Variants in EPHA5 observed in about 807,000 individuals in gnomAD.
The protein encoded by EPHA5 is EPH receptor A5.
EPHA5 carries 60 observed loss-of-function variants against 105.0 expected under a neutral mutation model. That is an observed-to-expected ratio of 0.57 (90% CI 0.46 to 0.71). The LOEUF (loss-of-function observed/expected upper bound fraction) is 0.71, where lower values mean the gene tolerates loss of function less well. Ranked by LOEUF, EPHA5 falls within the 30% of genes least tolerant of loss-of-function variation. The probability of loss-of-function intolerance (pLI) is 0.00; values close to 1 mark genes in which losing one functional copy is unlikely to be tolerated. For missense variants in EPHA5, 1,218 were observed against 1,274.7 expected (o/e 0.96, Z 0.68); for synonymous variants, 513 against 449.1 (o/e 1.14, Z -1.80).
chr4:65,629,506 T>C (rs562899022), intron 2 of EPHA5, among the ~76,000 whole-genome samples: 1 of 152,212 alleles, frequency 6.6e-6, no homozygotes. Flanking sequence ...TTCATATGTA[T>C]TGTATGATCA....
At chr4:65,400,716 G>T (rs1185284938) in intron 8 of EPHA5, among the ~76,000 whole-genome samples, 1 of 151,928 alleles carries the variant, frequency 6.6e-6, no homozygotes, top group Non-Finnish European at 1.5e-5. Flanking sequence ...AAATAGATCA[G>T]TTTCACAATA....
intron 5 of EPHA5, among the ~76,000 whole-genome samples, chr4:65,462,206 C>G (rs1047427100): frequency 3.3e-5 from 5 of 152,084 alleles, no homozygotes; most frequent in African/African-American, 4.8e-5. Context: ...GGTTCAAATT[C>G]TGAATTCTTT....
intron 3 of EPHA5, among the ~76,000 whole-genome samples, chr4:65,533,905 C>A (rs1736054389): frequency 6.6e-6 from 1 of 151,302 alleles, no homozygotes; most frequent in Non-Finnish European, 1.5e-5. Flanking sequence ...TGCACTCCAG[C>A]CTGGGTGACA....
chr4:65,615,374 T>C (rs1247919459), intron 2 of EPHA5, among the ~76,000 whole-genome samples: 1 of 151,726 alleles, frequency 6.6e-6, no homozygotes, highest in Non-Finnish European at 1.5e-5. Flanking sequence ...AGCTAAAACA[T>C]TTTTGAAAAT....
chr4:65,444,096 A>C (rs1726284183), intron 5 of EPHA5, among the ~76,000 whole-genome samples: 1 of 152,190 alleles, frequency 6.6e-6, no homozygotes, highest in African/African-American at 2.4e-5. Context: ...TAATTTTACT[A>C]ATGTTGCTAC....
chr4:65,419,131 G>A (rs182062160), intron 6 of EPHA5, among the ~76,000 whole-genome samples: 1 of 151,576 alleles, frequency 6.6e-6, no homozygotes, highest in African/African-American at 2.4e-5. Context: ...GCGACCACCC[G>A]CCTCAGCCTT....
At chr4:65,590,480 C>A (rs930958207) in intron 3 of EPHA5, among the ~76,000 whole-genome samples, 1 of 152,040 alleles carries the variant, frequency 6.6e-6, no homozygotes, top group Non-Finnish European at 1.5e-5. Flanking sequence ...ATTGTTATTG[C>A]GAATTATACA....
chr4:65,533,365 G>A (rs1013392990), intron 3 of EPHA5, among the ~76,000 whole-genome samples: 1 of 151,980 alleles, frequency 6.6e-6, no homozygotes, highest in Non-Finnish European at 1.5e-5. Flanking sequence ...AAGCTAGGCA[G>A]GATAAATATT....
intron 3 of EPHA5, among the ~76,000 whole-genome samples, chr4:65,530,363 T>C (rs1167216438): frequency 6.6e-6 from 1 of 152,006 alleles, no homozygotes; most frequent in Admixed American, 6.6e-5. Flanking sequence ...TAAAATCCAA[T>C]TGGCAGAAAA....
chr4:65,388,447 G>T (rs948664406), intron 8 of EPHA5, among the ~76,000 whole-genome samples: 10 of 150,078 alleles, frequency 6.7e-5, no homozygotes, highest in Non-Finnish European at 1.3e-4. Flanking sequence ...GTGTAAAAGT[G>T]TTCCTATTTC....
At chr4:65,427,376 G>A (rs530933611) in intron 5 of EPHA5, among the ~76,000 whole-genome samples, 1 of 151,900 alleles carries the variant, frequency 6.6e-6, no homozygotes, top group Non-Finnish European at 1.5e-5. Context: ...TAGAGACAGG[G>A]TTTCATCATC....
intron 2 of EPHA5, among the ~76,000 whole-genome samples, chr4:65,627,808 C>T (rs912397108): frequency 6.6e-6 from 1 of 152,106 alleles, no homozygotes; most frequent in African/African-American, 2.4e-5. Flanking sequence ...AGTAGATTTA[C>T]ACAAAGTCTA....
rs1423504045 is a variant in EPHA5, at chr4:65,576,054, GAAAGAAAAGA to G, written c.910+25577_910+25586del. Among the ~76,000 whole-genome samples, 490 of 81,434 alleles carry G rather than the reference GAAAGAAAAGA, an allele frequency of 6.0e-3. 11 individuals carry two copies. Among genetic ancestry groups the G allele is most frequent in the East Asian group, 0.014 (33 of 2,282 alleles). 53.4% of individuals were successfully genotyped at this position (81,434 alleles called of 152,430 possible). On this transcript the variant is annotated intron_variant, in intron 3 of 16. Coordinates refer to ENST00000613740, the MANE Select transcript of EPHA5 (RefSeq NM_001281766.3). ...AGAAAGAAAGAAAGAAAGAAAGAAAGAAAGAAAAGAAAAGAAAAGAAAAGAAAAGAAAAGA... is the reference window on the plus strand; with the variant it reads ...AGAAAGAAAGAAAGAAAGAAAGAAAGAAAGAAAAGAAAAGAAAAGAAAAGA...
intron 1 of EPHA5, among the ~76,000 whole-genome samples, chr4:65,666,417 T>C (rs1276122370): frequency 6.6e-6 from 1 of 152,214 alleles, no homozygotes. Context: ...AAATAATGCT[T>C]GTTTACAAAT....
At position 65,332,113 on chromosome 4, in the gene EPHA5, C is replaced by T. The variant is rs2148799594; in HGVS notation, c.2805G>A (p.Leu935=). 1 of 1,599,714 alleles carries T rather than the reference C, an allele frequency of 6.3e-7. No homozygotes were observed. Among genetic ancestry groups the T allele is most frequent in the Non-Finnish European group, 8.5e-7 (1 of 1,174,254 alleles). Residue 935 remains leucine (L), a synonymous_variant, in exon 16 of 17, where the codon TTG becomes TTA. Transcript: ENST00000613740. ...VNASCRVSNL[L]AEHSPLGSGA... ...CAGATCCTAGTGGGCTATGTTCTGC[C>T]AATAAATTAGATACTCTAAAACACA...
intron 5 of EPHA5, among the ~76,000 whole-genome samples, chr4:65,440,257 C>G: frequency 6.6e-6 from 1 of 150,964 alleles, no homozygotes; most frequent in African/African-American, 2.5e-5. Flanking sequence ...AGAAAATAAA[C>G]AAAGGTATTC....
chr4:65,443,932 T>C (rs975704650), intron 5 of EPHA5, among the ~76,000 whole-genome samples: 1 of 151,610 alleles, frequency 6.6e-6, no homozygotes, highest in African/African-American at 2.4e-5. Context: ...TGTGTGTGCG[T>C]GCACGTGTGC....
At chr4:65,355,141 A>T (rs1723180495) in intron 11 of EPHA5, among the ~76,000 whole-genome samples, 1 of 151,622 alleles carries the variant, frequency 6.6e-6, no homozygotes, top group African/African-American at 2.4e-5. Flanking sequence ...CCAGGAAGAG[A>T]GGTGGCACAT....
At chr4:65,391,782 C>T (rs191802680) in intron 8 of EPHA5, among the ~76,000 whole-genome samples, 38 of 152,074 alleles carry the variant, frequency 2.5e-4, no homozygotes, top group South Asian at 6.2e-4. Flanking sequence ...GAGCTTTAGA[C>T]AAAAAGTGTA....
Sources: allele counts gnomAD v4.1 joint callset (sites outside exome capture counted in the v4.1 genomes callset), GRCh38; gene constraint gnomAD v4.1.1; transcripts MANE v1.5; gene names NCBI Gene and HGNC (gene_info 2026-07-23, HGNC 2026-07-21).